PCDH15: variants seen among roughly 807,000 people sequenced by gnomAD.
PCDH15 encodes protocadherin related 15.
A neutral mutation model predicts 178.5 loss-of-function variants in PCDH15; 129 were observed. The ratio of observed to expected loss-of-function variants is 0.72; its 90% CI spans 0.63 to 0.84. PCDH15 has a LOEUF of 0.84. Ranked by LOEUF, PCDH15 falls within the 40% of genes least tolerant of loss-of-function variation. The pLI, the probability that PCDH15 is intolerant of heterozygous loss-of-function variation, is 0.00. For synonymous variants in PCDH15, 800 were observed against 732.0 expected, an observed-to-expected ratio of 1.09 and a Z score of -1.50; for missense variants, 2,230 against 2,099.9, an observed-to-expected ratio of 1.06 and a Z score of -1.21.
intron 3 of PCDH15, among the ~76,000 whole-genome samples, chr10:54,514,086 C>G (rs773524032): frequency 2.0e-5 from 3 of 152,114 alleles, no homozygotes; most frequent in Non-Finnish European, 2.9e-5. Flanking sequence ...AACATGAAAA[C>G]AATTATGTGC....
chr10:54,256,069 C>T (rs1405804334), intron 8 of PCDH15, among the ~76,000 whole-genome samples: 4 of 152,158 alleles, frequency 2.6e-5, no homozygotes, highest in Non-Finnish European at 4.4e-5. Context: ...GGATACCCTC[C>T]CAGCTATTTG....
In PCDH15 at chr10:53,957,503, G is replaced by GT. The variant is rs55738634; in HGVS notation, c.3122+2228dup. ...TGACACCAAAGCCTATATTTACTAT[G>GT]TTTTTTTTTTTTTCCTGATAACCCA... On this transcript the variant is annotated intron_variant, in intron 23 of 37. Coordinates refer to ENST00000644397, the MANE Select transcript of PCDH15 (RefSeq NM_001384140.1). 1.2e-3 allele frequency among the ~76,000 whole-genome samples: 167 copies of GT among 140,558 alleles called. 3 individuals carry two copies. Among genetic ancestry groups the GT allele is most frequent in the Middle Eastern group, 7.6e-3 (2 of 264 alleles). 92.2% of individuals were successfully genotyped at this position (140,558 alleles called of 152,430 possible). A position where few individuals can be genotyped will look rare whatever the true frequency, so the allele number is the denominator to read the frequency against.
intron 23 of PCDH15, among the ~76,000 whole-genome samples, chr10:53,952,668 C>G (rs1221534455): frequency 6.6e-6 from 1 of 152,196 alleles, no homozygotes; most frequent in South Asian, 2.1e-4. Flanking sequence ...CCCTTTCCAC[C>G]CAGGAGCCTG....
At chr10:54,778,799 AAT>A (rs935664666) in intron 1 of PCDH15, among the ~76,000 whole-genome samples, 1 of 152,172 alleles carries the variant, frequency 6.6e-6, no homozygotes, top group African/African-American at 2.4e-5. Context: ...TTGCAGACCA[AAT>A]ATATAGTTAC....
At chr10:54,929,931 A>T (rs1450098676) in intron 2 of PCDH15, among the ~76,000 whole-genome samples, 2 of 152,210 alleles carry the variant, frequency 1.3e-5, no homozygotes, top group African/African-American at 4.8e-5. Flanking sequence ...TAGATAGGAT[A>T]AGGAAGTCTT....
chr10:55,418,765 C>T, intron 2 of PCDH15, among the ~76,000 whole-genome samples: 1 of 151,704 alleles, frequency 6.6e-6, no homozygotes, highest in Non-Finnish European at 1.5e-5. Flanking sequence ...TAAAATCAGA[C>T]TTTTATCTTT....
chr10:55,483,269 A>C (rs1376644793), intron 2 of PCDH15, among the ~76,000 whole-genome samples: 1 of 126,328 alleles, frequency 7.9e-6, no homozygotes, highest in African/African-American at 2.8e-5. Flanking sequence ...AAGTAACTTA[A>C]ATAAATTTTT....
chr10:53,841,072 A>AT (rs1258919320), intron 28 of PCDH15, among the ~76,000 whole-genome samples: 1 of 152,226 alleles, frequency 6.6e-6, no homozygotes, highest in Non-Finnish European at 1.5e-5. Flanking sequence ...ATTTAGGTGA[A>AT]TAAAAACAAC....
At chr10:55,336,800 G>A (rs943571667) in intron 2 of PCDH15, among the ~76,000 whole-genome samples, 7 of 152,022 alleles carry the variant, frequency 4.6e-5, no homozygotes, top group Non-Finnish European at 1.0e-4. Context: ...CATTTCTGAA[G>A]GCTCCCGTGT....
At chr10:54,017,702 T>G (rs750217037) in intron 20 of PCDH15, among the ~76,000 whole-genome samples, 49 of 152,052 alleles carry the variant, frequency 3.2e-4, no homozygotes, top group Admixed American at 9.2e-4. Context: ...ATATTCACTA[T>G]CTAGTTGACA....
chr10:54,463,103 G>A (rs1368195363), intron 3 of PCDH15, among the ~76,000 whole-genome samples: 2 of 152,032 alleles, frequency 1.3e-5, no homozygotes, highest in East Asian at 1.9e-4. Context: ...ACATTAACAT[G>A]TTCAACTCTG....
Position 55,460,083 on chromosome 10 carries a change from C to T in PCDH15, c.-156+167542G>A, listed in dbSNP as rs189148039. ...TTGTGGAATGTGAAGAAAACAGGAA[C>T]TGACAAAGAAAACAGGAATGCCACA... On this transcript the variant is annotated intron_variant, in intron 2 of 5. Coordinates refer to the PCDH15 transcript ENST00000613346. Among the ~76,000 whole-genome samples, 11 of 151,908 alleles carry T rather than the reference C, an allele frequency of 7.2e-5. No homozygotes were observed. In the East Asian group the frequency reaches 2.1e-3, roughly 29 times the overall value.
intron 1 of PCDH15, among the ~76,000 whole-genome samples, chr10:55,192,425 G>A (rs1839968692): frequency 6.6e-6 from 1 of 151,734 alleles, no homozygotes; most frequent in Non-Finnish European, 1.5e-5. Flanking sequence ...TCTCTGAATA[G>A]ATATTCCACA....
intron 26 of PCDH15, among the ~76,000 whole-genome samples, chr10:53,876,360 T>G (rs7089648): frequency 0.64 from 96,533 of 151,636 alleles, 31,435 homozygotes; most frequent in Middle Eastern, 0.78. Flanking sequence ...GCTAATTTTT[T>G]GTATTTTAGG....
At chr10:54,913,760 C>G (rs1954858043) in intron 2 of PCDH15, among the ~76,000 whole-genome samples, 1 of 152,086 alleles carries the variant, frequency 6.6e-6, no homozygotes, top group African/African-American at 2.4e-5. Flanking sequence ...GAGCCCACCC[C>G]TTGCATCAGT....
chr10:54,678,858 A>G (rs1238734186), intron 1 of PCDH15, among the ~76,000 whole-genome samples: 1 of 152,206 alleles, frequency 6.6e-6, no homozygotes, highest in Non-Finnish European at 1.5e-5. Flanking sequence ...GAATTCTCCA[A>G]ACTCTTGCAT....
At chr10:55,437,963 G>A (rs559654519) in intron 2 of PCDH15, among the ~76,000 whole-genome samples, 2 of 147,806 alleles carry the variant, frequency 1.4e-5, no homozygotes, top group Admixed American at 6.8e-5. Flanking sequence ...TCAGCCTCCC[G>A]GGTACCTAGA....
chr10:55,247,877 G>A (rs1376010396), intron 1 of PCDH15: 13 of 142,158 alleles, frequency 9.1e-5, no homozygotes, highest in African/African-American at 3.0e-4. Flanking sequence ...GGGTGACAGA[G>A]TGAGACGCTG....
intron 2 of PCDH15, among the ~76,000 whole-genome samples, chr10:54,638,808 G>A (rs964553397): frequency 4.6e-5 from 7 of 151,786 alleles, no homozygotes; most frequent in South Asian, 2.1e-4. Flanking sequence ...ACCAATGAGC[G>A]GATAAAGAAA....
Sources: allele counts gnomAD v4.1 joint callset (sites outside exome capture counted in the v4.1 genomes callset), GRCh38; gene constraint gnomAD v4.1.1; transcripts MANE v1.5; gene names NCBI Gene and HGNC (gene_info 2026-07-23, HGNC 2026-07-21).